Variants in RAB9A observed in about 807,000 individuals in gnomAD.
The protein encoded by RAB9A is RAB9A, member RAS oncogene family, also known as ras-related protein Rab-9A.
Under a neutral mutation model 10.3 loss-of-function variants are expected in RAB9A, and 1 was observed. That is an observed-to-expected ratio of 0.10 (90% confidence interval 0.03 to 0.46). RAB9A has a LOEUF of 0.46. Among genes scored for constraint, RAB9A ranks in the 20% least tolerant of loss-of-function variants. RAB9A has a pLI of 0.96. For synonymous variants in RAB9A, 39 were observed against 55.2 expected (o/e 0.71, Z 1.30); for missense variants, 92 against 150.3 (o/e 0.61, Z 2.03).
chrX:13,708,435 T>TA (rs1171093547), intron 2 of RAB9A, among the ~76,000 whole-genome samples: 1 of 109,940 alleles, frequency 9.1e-6, no homozygotes, highest in African/African-American at 3.3e-5. Context: ...TATCATAGAG[T>TA]AACGGTTCAG....
intron 1 of RAB9A, among the ~76,000 whole-genome samples, chrX:13,698,555 C>T (rs1419721362): frequency 1.8e-5 from 2 of 111,266 alleles, no homozygotes; most frequent in African/African-American, 6.5e-5. Context: ...ATTTCCTTTT[C>T]TTTCTTTTGC....
chrX:13,693,422 C>G (rs925366577), intron 1 of RAB9A, among the ~76,000 whole-genome samples: 2 of 111,627 alleles, frequency 1.8e-5, no homozygotes, highest in Admixed American at 1.9e-4. Flanking sequence ...AATTGGAAGG[C>G]GAGGATGCCT....
In RAB9A at chrX:13,708,803, G is replaced by A. The variant is rs1384421388; in HGVS notation, c.57G>A (p.Gly19=). 7 of 1,201,305 alleles carry A rather than the reference G, an allele frequency of 5.8e-6. No individual in the cohort carries two copies. The Middle Eastern group carries it at 9.2e-4, about 158-fold the overall frequency. ...KVILLGDGGV[G]KSSLMNRYVT... ...TTCTCCTTGGAGATGGTGGAGTTGG[G>A]AAGAGTTCACTTATGAACAGATATG... Residue 19 remains glycine, a synonymous_variant, in exon 3 of 3, where the codon GGG becomes GGA. Transcript: ENST00000464506.
At chrX:13,689,372 C>A (rs1338454314) in intron 1 of RAB9A, 84 bp downstream of exon 1, 1 of 112,680 alleles carries the variant, frequency 8.9e-6, no homozygotes, top group Non-Finnish European at 1.9e-5. Context: ...CCTCGGGCAG[C>A]TGGGGCGGGG....
In RAB9A at chrX:13,702,536, G is replaced by C. The variant is rs780566291; in HGVS notation, c.-115-1278G>C. 1.1e-4 allele frequency among the ~76,000 whole-genome samples: 12 copies of C among 112,075 alleles called. No individual in the cohort carries two copies. The South Asian group carries it at 4.4e-3, about 41-fold the overall frequency. ...TAACTGTAGCTCAGCAAGTGAAATAGTTGGCCTGTGTTACAGGATCATGTT... is the reference window on the plus strand; with the variant it reads ...TAACTGTAGCTCAGCAAGTGAAATACTTGGCCTGTGTTACAGGATCATGTT... On this transcript the variant is annotated intron_variant, in intron 1 of 2. Coordinates refer to ENST00000464506, the MANE Select transcript of RAB9A (RefSeq NM_004251.5).
Position 13,709,350 on chromosome X carries a change from TGATTGTTA to T in RAB9A, c.*6_*13del. The T allele has an allele frequency of 8.4e-7, 1 of 1,197,598 alleles. No homozygotes were observed. The highest frequency in any genetic ancestry group is 1.8e-5 in the South Asian group (1 of 54,463). The stretch of plus-strand genomic sequence containing the variant: ...GCCCAAGCCTAGCTCATCTTGCTGT[TGATTGTTA>T]GATTGTTGATGCATTCTAACCAACT... On this transcript the variant is annotated stop_retained_variant and 3_prime_UTR_variant, in exon 3 of 3. Coordinates refer to ENST00000464506, the MANE Select transcript of RAB9A (RefSeq NM_004251.5).
At chrX:13,701,609 T>C (rs1423090627) in intron 1 of RAB9A, among the ~76,000 whole-genome samples, 1 of 111,091 alleles carries the variant, frequency 9.0e-6, no homozygotes, top group Admixed American at 9.6e-5. Flanking sequence ...AGTAGGCATG[T>C]CAATTACAGA....
At chrX:13,698,447 C>T (rs1192062832) in intron 1 of RAB9A, among the ~76,000 whole-genome samples, 2 of 110,817 alleles carry the variant, frequency 1.8e-5, no homozygotes, top group African/African-American at 6.6e-5. Flanking sequence ...CTAGCTGCCT[C>T]CTGTTCTTGA....
In RAB9A at chrX:13,689,774, C is replaced by G. The variant is rs189307930; in HGVS notation, c.-116+486C>G. The stretch of plus-strand genomic sequence containing the variant: ...CAGAACGTGTTTGCTCGATGTCTTA[C>G]GACCACTCGGGTGAGGAATTCGGAA... On this transcript the variant is annotated intron_variant, in intron 1 of 2. Coordinates refer to ENST00000464506, the MANE Select transcript of RAB9A (RefSeq NM_004251.5). Among the ~76,000 whole-genome samples, 58 of 111,977 alleles carry G rather than the reference C, an allele frequency of 5.2e-4. 1 individual carries two copies. The highest frequency in any genetic ancestry group is 2.4e-3 in the Admixed American group (25 of 10,602).
At chrX:13,704,962 G>A (rs2046191243) in intron 2 of RAB9A, among the ~76,000 whole-genome samples, 1 of 111,814 alleles carries the variant, frequency 8.9e-6, no homozygotes, top group Admixed American at 9.5e-5. Context: ...AATTACTAAT[G>A]TTTAACCTTG....
Position 13,689,477 on chromosome X carries a change from G to A in RAB9A, c.-116+189G>A, listed in dbSNP as rs950312481. Among the ~76,000 whole-genome samples, 41 of 112,045 alleles carry A rather than the reference G, an allele frequency of 3.7e-4. 1 individual carries two copies. Among genetic ancestry groups the A allele is most frequent in the African/African-American group, 1.3e-3 (41 of 30,826 alleles). The stretch of plus-strand genomic sequence containing the variant: ...GCCTCCTCTCTGACGCAGGAGGAAA[G>A]ACGGTCCCCACACCCTTGGGGAGAG... On this transcript the variant is annotated intron_variant, in intron 1 of 2. Coordinates refer to ENST00000464506, the MANE Select transcript of RAB9A (RefSeq NM_004251.5).
intron 2 of RAB9A, among the ~76,000 whole-genome samples, chrX:13,704,719 A>G (rs745306885): frequency 2.4e-4 from 26 of 109,794 alleles, no homozygotes; most frequent in Admixed American, 2.2e-3. Context: ...GGTTCAAGTA[A>G]TTCTCATGCC....
rs2046214814 is a variant in RAB9A at position 13,709,971 on chromosome X, A to C, written c.*619A>C. On this transcript the variant is annotated 3_prime_UTR_variant, in exon 3 of 3. Coordinates refer to ENST00000464506, the MANE Select transcript of RAB9A (RefSeq NM_004251.5). ...CCCACCCCCATAAATCATGTTCCAC[A>C]GTCTCAGGCGGAGGGTGGGCCCCCA... is the stretch of plus-strand genomic sequence containing the variant. The C allele has an allele frequency of 8.1e-6, 1 of 123,529 alleles. No individual in the cohort carries two copies. Among genetic ancestry groups the C allele is most frequent in the Non-Finnish European group, 1.9e-5 (1 of 53,391 alleles). 10.2% of individuals were successfully genotyped at this position (123,529 alleles called of 1,213,427 possible).
intron 2 of RAB9A, among the ~76,000 whole-genome samples, chrX:13,708,193 G>A (rs1260034948): frequency 9.1e-6 from 1 of 110,296 alleles, no homozygotes; most frequent in East Asian, 2.8e-4. Flanking sequence ...GCATGGTGGT[G>A]TGCACCTGTG....
At chrX:13,689,421 C>G (rs1249224153) in intron 1 of RAB9A, 133 bp downstream of exon 1, 2 of 112,274 alleles carry the variant, frequency 1.8e-5, no homozygotes, top group African/African-American at 6.5e-5. Flanking sequence ...ACAAGGCCGC[C>G]CCGGGAGAGA....
In RAB9A at chrX:13,709,754, C is replaced by T. The variant is rs2046213741; in HGVS notation, c.*402C>T. On this transcript the variant is annotated 3_prime_UTR_variant, in exon 3 of 3. Transcript: ENST00000464506. ...GTTTTTATGCAATTAGCATTGTATT[C>T]TTGGTTCAGGGAAATACTTTCCTAA... 1 of 125,433 alleles carries T rather than the reference C, an allele frequency of 8.0e-6. No individual in the cohort carries two copies. The highest frequency in any genetic ancestry group is 9.3e-5 in the Admixed American group (1 of 10,703). The allele number at this position is 125,433 out of a possible 1,213,427, so 10.3% of individuals were successfully genotyped here. A position where few individuals can be genotyped will look rare whatever the true frequency, so the allele number is the denominator to read the frequency against.
chrX:13,707,494 G>A (rs1389039925), intron 2 of RAB9A, among the ~76,000 whole-genome samples: 1 of 111,715 alleles, frequency 9.0e-6, no homozygotes, highest in Non-Finnish European at 1.9e-5. Flanking sequence ...AATGTAAGCA[G>A]AAGGATTAAC....
Position 13,709,455 on chromosome X carries a change from ATAAAAT to A in RAB9A, c.*108_*113del, listed in dbSNP as rs1161154267. On this transcript the variant is annotated 3_prime_UTR_variant, in exon 3 of 3. Transcript: ENST00000464506. ...GTTTGCAGCAGTGTATCATCTACTA[ATAAAAT>A]TAAACTAATGTTGCTGCTTCATTAG... 8.6e-6 allele frequency: 8 copies of A among 932,551 alleles called. No individual in the cohort carries two copies. Among genetic ancestry groups the A allele is most frequent in the Admixed American group, 6.7e-5 (2 of 29,973 alleles). The allele number at this position is 932,551 out of a possible 1,213,427, so 76.9% of individuals were successfully genotyped here.
intron 1 of RAB9A, among the ~76,000 whole-genome samples, chrX:13,693,735 T>G (rs1166697058): frequency 8.9e-6 from 1 of 111,803 alleles, no homozygotes; most frequent in East Asian, 2.8e-4. Context: ...TAAATGAATG[T>G]AAGGTAACAG....
Sources: gnomAD v4.1 joint callset for allele counts (sites outside exome capture counted in the v4.1 genomes callset) on GRCh38, gnomAD v4.1.1 for gene constraint, MANE v1.5 for transcripts, NCBI Gene and HGNC (gene_info 2026-07-23, HGNC 2026-07-21) for gene names.